The following PFAS variants were observed in gnomAD, a reference collection of about 807,000 sequenced individuals.
PFAS encodes FGAM synthase.
PFAS carries 97 observed loss-of-function variants against 140.6 expected under a neutral mutation model. The ratio of observed to expected loss-of-function variants is 0.69; its 90% confidence interval spans 0.59 to 0.82. The LOEUF is 0.82. PFAS is among the 40% of genes least tolerant of loss of function. PFAS has a pLI of 0.00. For synonymous variants in PFAS, 679 were observed against 718.8 expected (o/e 0.94, Z 0.88); for missense variants, 1,656 against 1,780.2 (o/e 0.93, Z 1.26).
chr17:8,252,846 G>A (rs1355116690), intron 1 of PFAS, among the ~76,000 whole-genome samples: 3 of 152,004 alleles, frequency 2.0e-5, no homozygotes, highest in Admixed American at 6.6e-5. Context: ...GGTCTCGAAC[G>A]CCTGTGCTCA....
rs565492722 is a variant in PFAS, at chr17:8,260,919, C to T, written c.1337-2001C>T. On this transcript the variant is annotated intron_variant, in intron 11 of 27. Transcript: ENST00000314666. ...GATTACAGGCGTGAGCCACCGCGCC[C>T]GGCCTATGTACAAGTTTTTGTATGA... Among the ~76,000 whole-genome samples, 387 of 151,564 alleles carry T rather than the reference C, an allele frequency of 2.6e-3. 2 individuals are homozygous for T. Among genetic ancestry groups the T allele is most frequent in the African/African-American group, 6.5e-3 (269 of 41,324 alleles).
chr17:8,259,239 A>AT lies in PFAS; in HGVS notation c.1336+1045dup, dbSNP rs150885114. On this transcript the variant is annotated intron_variant, in intron 11 of 27. Transcript: ENST00000314666. ...TTTCTCTTTTTTGTTAATTATTATTATTTTTAATCTGCATTTTCTTTCTCA... is the reference window on the plus strand; with the variant it reads ...TTTCTCTTTTTTGTTAATTATTATTATTTTTTAATCTGCATTTTCTTTCTCA... Among the ~76,000 whole-genome samples, 869 of 150,756 alleles carry AT rather than the reference A, an allele frequency of 5.8e-3. 3 individuals carry two copies. Among genetic ancestry groups the AT allele is most frequent in the African/African-American group, 0.02 (811 of 41,186 alleles).
At chr17:8,253,799 A>G (rs2151575951) in intron 1 of PFAS, 60 bp from the exon 2 acceptor site, 1 of 1,301,318 alleles carries the variant, frequency 7.7e-7, no homozygotes, top group East Asian at 2.6e-5. Flanking sequence ...TCAGTCTCCC[A>G]AAGTGCTGGG....
intron 11 of PFAS, among the ~76,000 whole-genome samples, chr17:8,259,969 C>G (rs536219890): frequency 6.6e-6 from 1 of 151,754 alleles, no homozygotes. Flanking sequence ...GGTGTGGTGG[C>G]GCGCACCTAT....
chr17:8,270,381 C>G lies in PFAS; in HGVS notation c.*1117C>G, dbSNP rs1989972065. On this transcript the variant is annotated 3_prime_UTR_variant, in exon 28 of 28. Transcript: ENST00000314666. ...TGTATAACACTTAGCTCAAGCCACGCATGTGTGAGGCATTTGGTATGTATC... is the reference window on the plus strand; with the variant it reads ...TGTATAACACTTAGCTCAAGCCACGGATGTGTGAGGCATTTGGTATGTATC... 1 of 152,208 alleles carries G rather than the reference C, an allele frequency of 6.6e-6. No homozygotes were observed. The highest frequency in any genetic ancestry group is 6.5e-5 in the Admixed American group (1 of 15,278). 9.4% of individuals were successfully genotyped at this position (152,208 alleles called of 1,614,324 possible).
At position 8,266,277 on chromosome 17, in the gene PFAS, C is replaced by T. The variant is rs759483569; in HGVS notation, c.2745C>T (p.Leu915=). ...GCCACGATGTCAGTGACGGAGGCCT[C>T]GTCACATGCCTGCTGGAGATGGCCT... ...CSGHDVSDGG[L]VTCLLEMAFA... The change falls in exon 22 of 28, where the codon CTC becomes CTT. Residue 915 remains leucine (L), a synonymous_variant. Transcript: ENST00000314666. The surrounding 1 kb of genome is among the most constrained non-coding windows in gnomAD (Gnocchi z 5.0). 22 of 1,613,964 alleles carry T rather than the reference C, an allele frequency of 1.4e-5. No individual in the cohort carries two copies. The highest frequency in any genetic ancestry group is 6.7e-5 in the African/African-American group (5 of 74,896).
At position 8,258,219 on chromosome 17, in the gene PFAS, C is replaced by T; in HGVS notation, c.1336+20C>T. ...AGCCAGGTAAGAGCCTGCCACCTTT[C>T]TCTGGATCCAGCCAGCTTTCTCCCC... On this transcript the variant is annotated intron_variant, in intron 11 of 27. Transcript: ENST00000314666. 1 of 1,613,078 alleles carries T rather than the reference C, an allele frequency of 6.2e-7. No homozygotes were observed. The highest frequency in any genetic ancestry group is 1.1e-5 in the South Asian group (1 of 91,028).
chr17:8,266,181 G>T lies in PFAS; in HGVS notation c.2702-53G>T. 1 of 1,606,762 alleles carries T rather than the reference G, an allele frequency of 6.2e-7. No individual in the cohort carries two copies. Among genetic ancestry groups the T allele is most frequent in the South Asian group, 1.1e-5 (1 of 90,042 alleles). ...TGGACTGACTCCGGAAGGTGGGGTG[G>T]GGCTGTCAGGTTTGGGTCCCGAGGT... is the stretch of plus-strand genomic sequence containing the variant. On this transcript the variant is annotated intron_variant, in intron 21 of 27. Coordinates refer to ENST00000314666, the MANE Select transcript of PFAS (RefSeq NM_012393.3). The surrounding 1 kb of genome is among the most constrained non-coding windows in gnomAD (Gnocchi z 5.0).
Position 8,268,863 on chromosome 17 carries a change from C to G in PFAS, c.3706+7C>G, listed in dbSNP as rs1989931329. The G allele has an allele frequency of 6.2e-7, 1 of 1,610,348 alleles. No individual in the cohort carries two copies. On this transcript the variant is annotated splice_region_variant and intron_variant, in intron 27 of 27. Transcript: ENST00000314666. ...TGGAGTGCGCACGGGGAAGGTCAGG[C>G]CCAAGGAAGGCTGGGGGAGGGCCCG... is the stretch of plus-strand genomic sequence containing the variant.
chr17:8,264,439 T>A, intron 16 of PFAS, 31 bp from the exon 17 acceptor site: 1 of 1,613,026 alleles, frequency 6.2e-7, no homozygotes, highest in Non-Finnish European at 8.5e-7. Context: ...GCCCCAGGTG[T>A]TCACACTGCC....
intron 1 of PFAS, among the ~76,000 whole-genome samples, chr17:8,249,658 C>T (rs939891482): frequency 1.3e-5 from 2 of 152,148 alleles, no homozygotes; most frequent in Non-Finnish European, 2.9e-5. Flanking sequence ...GCACGCAAAC[C>T]CTGTCTCTGA....
At chr17:8,249,695 A>T (rs548642934) in intron 1 of PFAS, among the ~76,000 whole-genome samples, 2 of 152,302 alleles carry the variant, frequency 1.3e-5, no homozygotes, top group African/African-American at 4.8e-5. Flanking sequence ...TTTTACTGGG[A>T]ATGATAGACG....
rs375589069 is a variant in PFAS, at chr17:8,267,153, G to C, written c.3093G>C (p.Glu1031Asp). The change falls in exon 24 of 28, where the codon GAG becomes GAC. Residue 1031 changes from glutamate to aspartate, a missense_variant. Glu to Asp is a conservative substitution (Grantham distance 45, BLOSUM62 2). This residue lies in a region of PFAS where 883 missense variants were observed against 1,023.0 expected (regional missense o/e 0.86). Transcript: ENST00000314666. The surrounding 1 kb of genome is among the most constrained non-coding windows in gnomAD (Gnocchi z 4.9). ...LQAEPRCVAE[E>D]ERGLRERMGP... ...CAGAGCCTCGCTGTGTGGCAGAGGA[G>C]GAACGGGGCCTGAGGGAGCGGATGG... 5 of 1,611,336 alleles carry C rather than the reference G, an allele frequency of 3.1e-6. No individual in the cohort carries two copies. Among genetic ancestry groups the C allele is most frequent in the South Asian group, 2.2e-5 (2 of 90,824 alleles).
rs773885570 is a variant in PFAS, at chr17:8,266,384, G to A, written c.2821+31G>A. ...GAACCTGGGGTCTAGTCTCAGGCCC[G>A]GGCTGCCTTCTCTACCCTGCAGACC... On this transcript the variant is annotated intron_variant, in intron 22 of 27. Coordinates refer to ENST00000314666, the MANE Select transcript of PFAS (RefSeq NM_012393.3). This position sits in a 1 kb window ranked among gnomAD's most constrained non-coding sequence, Gnocchi z 5.0. 27 of 1,613,310 alleles carry A rather than the reference G, an allele frequency of 1.7e-5. No individual in the cohort carries two copies. Among genetic ancestry groups the A allele is most frequent in the East Asian group, 4.5e-5 (2 of 44,872 alleles).
chr17:8,256,712 C>G (rs1352929397), intron 8 of PFAS, 64 bp downstream of exon 8: 2 of 1,580,280 alleles, frequency 1.3e-6, no homozygotes, highest in East Asian at 4.5e-5. Context: ...AGGTCCCAGG[C>G]CCCTGGAGTG....
chr17:8,255,413 C>T, intron 4 of PFAS, 89 bp from the exon 5 acceptor site: 1 of 1,050,962 alleles, frequency 9.5e-7, no homozygotes, highest in East Asian at 2.5e-5. Context: ...GTGGGCTAGC[C>T]TTGCATGACT....
Position 8,267,778 on chromosome 17 carries a change from G to T in PFAS, c.3382+113G>T, listed in dbSNP as rs909826997. ...TCTCACTCCACCGAGCTACGAGAGA[G>T]TGGGCCCATTCGTTCTGGGCCACAT... On this transcript the variant is annotated intron_variant, in intron 26 of 27. Coordinates refer to ENST00000314666, the MANE Select transcript of PFAS (RefSeq NM_012393.3). The surrounding 1 kb of genome is among the most constrained non-coding windows in gnomAD (Gnocchi z 4.9). 1.2e-5 allele frequency: 7 copies of T among 575,704 alleles called. No individual in the cohort carries two copies. The highest frequency in any genetic ancestry group is 3.4e-5 in the Admixed American group (1 of 29,370). The allele number at this position is 575,704 out of a possible 1,614,324, so 35.7% of individuals were successfully genotyped here.
chr17:8,263,221 GA>G lies in PFAS; in HGVS notation c.1526del (p.Asn509ThrfsTer18), dbSNP rs1989666866. On this transcript the variant is annotated frameshift_variant, in exon 13 of 28. Transcript: ENST00000314666. LOFTEE classifies it high-confidence loss of function. ...VIRACVEAPK[G>X]NPICSLHDQG... ...AGGGCTTGTGTGGAGGCCCCCAAGGGAAACCCCATCTGCAGCCTTCATGATC... is the reference window on the plus strand; with the variant it reads ...AGGGCTTGTGTGGAGGCCCCCAAGGGAACCCCATCTGCAGCCTTCATGATC... 1 of 1,614,174 alleles carries G rather than the reference GA, an allele frequency of 6.2e-7. No individual in the cohort carries two copies. The highest frequency in any genetic ancestry group is 8.5e-7 in the Non-Finnish European group (1 of 1,180,024).
chr17:8,254,943 C>A, intron 3 of PFAS, 84 bp from the exon 4 acceptor site: 1 of 920,850 alleles, frequency 1.1e-6, no homozygotes, highest in Non-Finnish European at 1.8e-6. Flanking sequence ...GGGAGGTTGT[C>A]CAGACAGCAG....
Sources: gnomAD v4.1 joint callset for allele counts (sites outside exome capture counted in the v4.1 genomes callset) on GRCh38, gnomAD v4.1.1 for gene constraint, gnomAD v4.1.1 regional missense constraint, Gnocchi (gnomAD v3.1) non-coding constraint, MANE v1.5 for transcripts, NCBI Gene and HGNC (gene_info 2026-07-23, HGNC 2026-07-21) for gene names.